Variants in LNPEP observed in about 807,000 individuals in gnomAD.
The protein encoded by LNPEP is leucyl and cystinyl aminopeptidase.
A neutral mutation model predicts 120.6 loss-of-function variants in LNPEP; 64 were observed. The observed-to-expected ratio is 0.53, with a 90% CI of 0.43 to 0.65. LNPEP has a LOEUF of 0.65. LNPEP is among the 30% of genes least tolerant of loss of function. The pLI, the probability that LNPEP is intolerant of heterozygous loss-of-function variation, is 0.00. For missense variants in LNPEP, 1,057 were observed against 1,200.0 expected (o/e 0.88, Z 1.76); for synonymous variants, 435 against 425.4 (o/e 1.02, Z -0.28).
intron 1 of LNPEP, among the ~76,000 whole-genome samples, chr5:96,952,137 A>T (rs1336717692): frequency 6.6e-6 from 1 of 152,176 alleles, no homozygotes; most frequent in African/African-American, 2.4e-5. Context: ...TATTAAATAA[A>T]ATTTAAAAAA....
chr5:96,992,158 C>A (rs537261890), intron 4 of LNPEP, among the ~76,000 whole-genome samples: 202 of 151,756 alleles, frequency 1.3e-3, no homozygotes, highest in Non-Finnish European at 2.5e-3. Flanking sequence ...TTCATTTAGC[C>A]AAAAAAAGAG....
chr5:96,955,729 A>C (rs369444051), intron 1 of LNPEP, among the ~76,000 whole-genome samples: 2 of 152,252 alleles, frequency 1.3e-5, no homozygotes, highest in Non-Finnish European at 2.9e-5. Flanking sequence ...GCTTGGGGCT[A>C]TTACAAATAA....
intron 2 of LNPEP, among the ~76,000 whole-genome samples, chr5:96,980,615 T>C (rs1790099767): frequency 6.6e-6 from 1 of 152,214 alleles, no homozygotes; most frequent in Non-Finnish European, 1.5e-5. Flanking sequence ...TTAGCATTCA[T>C]AGCATGTAGT....
chr5:96,938,417 C>T (rs1054119668), intron 1 of LNPEP, among the ~76,000 whole-genome samples: 1 of 152,122 alleles, frequency 6.6e-6, no homozygotes, highest in Non-Finnish European at 1.5e-5. Context: ...ATGAGCTTAA[C>T]AAAAAACAGT....
chr5:97,012,834 G>A (rs781776845), intron 11 of LNPEP, among the ~76,000 whole-genome samples: 1 of 152,130 alleles, frequency 6.6e-6, no homozygotes, highest in African/African-American at 2.4e-5. Context: ...AGAGACCCCA[G>A]AAGTGCCTAT....
intron 1 of LNPEP, among the ~76,000 whole-genome samples, chr5:96,941,045 G>C (rs1170837750): frequency 6.6e-6 from 1 of 152,150 alleles, no homozygotes; most frequent in Non-Finnish European, 1.5e-5. Flanking sequence ...TCACCATAAT[G>C]TAGAATCAGT....
chr5:97,029,329 G>A lies in LNPEP; in HGVS notation c.*796G>A, dbSNP rs2112678928. 6.6e-6 allele frequency: 1 copy of A among 152,394 alleles called. No individual in the cohort carries two copies. The allele number at this position is 152,394 out of a possible 1,614,324, so 9.4% of individuals were successfully genotyped here. ...TATTCATAAATGGTGATAGTCCCCA[G>A]ATCTGTACACCTTTATCACTCCCTG... On this transcript the variant is annotated 3_prime_UTR_variant, in exon 18 of 18. Transcript: ENST00000231368.
At chr5:96,989,803 T>C (rs1045973728) in intron 4 of LNPEP, among the ~76,000 whole-genome samples, 6 of 152,180 alleles carry the variant, frequency 3.9e-5, no homozygotes, top group East Asian at 1.9e-4. Flanking sequence ...ATTACAGATG[T>C]TCTTTTAAGG....
At chr5:97,007,123 C>T (rs147868261) in intron 11 of LNPEP, among the ~76,000 whole-genome samples, 23 of 152,298 alleles carry the variant, frequency 1.5e-4, no homozygotes, top group African/African-American at 5.3e-4. Flanking sequence ...ATGAATGTCA[C>T]ACCACATATC....
intron 7 of LNPEP, among the ~76,000 whole-genome samples, chr5:96,997,751 T>G (rs1790550725): frequency 1.3e-5 from 2 of 152,136 alleles, no homozygotes; most frequent in Non-Finnish European, 2.9e-5. Flanking sequence ...TGGTAATAGA[T>G]TCTTAATTTT....
chr5:97,014,650 T>C (rs1446724203), intron 12 of LNPEP, among the ~76,000 whole-genome samples: 1 of 152,158 alleles, frequency 6.6e-6, no homozygotes, highest in Non-Finnish European at 1.5e-5. Context: ...TCATCTTTTC[T>C]AACCCAAGAT....
At chr5:96,936,233 C>G in intron 1 of LNPEP, 59 bp downstream of exon 1, 1 of 1,324,534 alleles carries the variant, frequency 7.5e-7, no homozygotes, top group Non-Finnish European at 9.8e-7. Context: ...GGGTCGTGGG[C>G]AGTCGTGACA....
chr5:97,021,464 C>G (rs1423414496), intron 13 of LNPEP, among the ~76,000 whole-genome samples: 1 of 152,142 alleles, frequency 6.6e-6, no homozygotes, highest in Non-Finnish European at 1.5e-5. Context: ...GTTATAACAT[C>G]AAACTAGTTA....
chr5:96,996,681 A>G (rs192203776), intron 7 of LNPEP, among the ~76,000 whole-genome samples, 178 bp downstream of exon 7: 2 of 152,274 alleles, frequency 1.3e-5, no homozygotes, highest in Admixed American at 1.3e-4. Flanking sequence ...AAGGGATGCT[A>G]TTATTTACTG....
intron 1 of LNPEP, among the ~76,000 whole-genome samples, chr5:96,972,064 G>A (rs1789878721): frequency 6.6e-6 from 1 of 151,978 alleles, no homozygotes; most frequent in Admixed American, 6.6e-5. Flanking sequence ...GCACATGGTA[G>A]AGATGCTGAA....
intron 11 of LNPEP, chr5:97,011,066 A>T: frequency 1.0e-6 from 1 of 985,410 alleles, no homozygotes. Context: ...GGTTTACAAC[A>T]TGGCAAGCTG....
intron 11 of LNPEP, 61 bp from the exon 12 acceptor site, chr5:97,013,587 A>AT (rs894495717): frequency 5.0e-4 from 462 of 930,944 alleles, no homozygotes; most frequent in South Asian, 6.2e-4. Flanking sequence ...AGCACTCATA[A>AT]TTTTTTTTTC....
chr5:96,936,191 G>A lies in LNPEP; in HGVS notation c.19+17G>A. 1 of 1,440,978 alleles carries A rather than the reference G, an allele frequency of 6.9e-7. No homozygotes were observed. The highest frequency in any genetic ancestry group is 9.1e-7 in the Non-Finnish European group (1 of 1,098,888). The allele number at this position is 1,440,978 out of a possible 1,614,324, so 89.3% of individuals were successfully genotyped here. ...TCACCAATGGTGAGTGGGCTGCCGAGGCGCCGGGACCCGGGCTCTCCGGAG... is the reference window on the plus strand; with the variant it reads ...TCACCAATGGTGAGTGGGCTGCCGAAGCGCCGGGACCCGGGCTCTCCGGAG... On this transcript the variant is annotated intron_variant, in intron 1 of 17. Coordinates refer to ENST00000231368, the MANE Select transcript of LNPEP (RefSeq NM_005575.3).
intron 9 of LNPEP, among the ~76,000 whole-genome samples, chr5:97,005,596 G>A (rs1582021642): frequency 6.6e-6 from 1 of 152,304 alleles, no homozygotes; most frequent in East Asian, 1.9e-4. Context: ...GACTATCATT[G>A]TGGAGGTGGA....
Sources: allele counts gnomAD v4.1 joint callset (sites outside exome capture counted in the v4.1 genomes callset), GRCh38; gene constraint gnomAD v4.1.1; transcripts MANE v1.5; gene names NCBI Gene and HGNC (gene_info 2026-07-23, HGNC 2026-07-21).